The following TCF12 variants were observed in gnomAD, a reference collection of about 807,000 sequenced individuals.
TCF12 encodes the protein DNA-binding protein HTF4.
In TCF12, 45 loss-of-function variants were observed where a neutral mutation model predicts 86.0. The ratio of observed to expected loss-of-function variants is 0.52; its 90% CI spans 0.41 to 0.67. The LOEUF is 0.67. Ranked by LOEUF, TCF12 falls within the 30% of genes least tolerant of loss-of-function variation. TCF12 has a pLI of 0.00. For missense variants in TCF12, 881 were observed against 859.9 expected, an observed-to-expected ratio of 1.02 and a Z score of -0.31; for synonymous variants, 330 against 299.6, an observed-to-expected ratio of 1.10 and a Z score of -1.05.
chr15:57,273,866 C>CA (rs2061259242), intron 19 of TCF12, among the ~76,000 whole-genome samples: 1 of 152,136 alleles, frequency 6.6e-6, no homozygotes, highest in African/African-American at 2.4e-5. Context: ...AGTGCTGACT[C>CA]AGTTTCATTT....
intron 5 of TCF12, among the ~76,000 whole-genome samples, chr15:57,150,871 G>GT (rs1555519784): frequency 4.1e-5 from 2 of 48,832 alleles, no homozygotes; most frequent in Non-Finnish European, 7.5e-5. Flanking sequence ...CTCCCCCTCT[G>GT]TCCCTTCCTT....
intron 8 of TCF12, among the ~76,000 whole-genome samples, chr15:57,205,600 A>C (rs2057772079): frequency 6.6e-6 from 1 of 150,966 alleles, no homozygotes; most frequent in African/African-American, 2.5e-5. Flanking sequence ...TCAGTCTCTG[A>C]CCTTACAGGT....
At chr15:57,225,521 A>C (rs963120344) in intron 8 of TCF12, among the ~76,000 whole-genome samples, 6 of 152,226 alleles carry the variant, frequency 3.9e-5, no homozygotes, top group African/African-American at 1.4e-4. Context: ...CTGGGATTAC[A>C]GGCGTGAGCC....
intron 8 of TCF12, among the ~76,000 whole-genome samples, chr15:57,202,014 G>A (rs2057565492): frequency 6.6e-6 from 1 of 152,156 alleles, no homozygotes; most frequent in Admixed American, 6.5e-5. Context: ...CAGTGTCACT[G>A]TGTTGTTAGT....
chr15:57,035,504 T>C (rs2066454045), intron 3 of TCF12, among the ~76,000 whole-genome samples: 1 of 152,134 alleles, frequency 6.6e-6, no homozygotes, highest in African/African-American at 2.4e-5. Flanking sequence ...AGGCCTCAAG[T>C]GATCCTCCCA....
At chr15:57,123,611 A>G (rs1808362553) in intron 5 of TCF12, among the ~76,000 whole-genome samples, 1 of 151,752 alleles carries the variant, frequency 6.6e-6, no homozygotes, top group Middle Eastern at 3.4e-3. Flanking sequence ...CCTCCTGAGT[A>G]GATGGGACTA....
chr15:56,937,313 G>T (rs915742165), intron 3 of TCF12, among the ~76,000 whole-genome samples: 1 of 151,414 alleles, frequency 6.6e-6, no homozygotes, highest in Non-Finnish European at 1.5e-5. Context: ...ATTTGTATAC[G>T]TTAATTTGTA....
intron 3 of TCF12, among the ~76,000 whole-genome samples, chr15:57,016,064 A>C (rs1252675597): frequency 6.6e-6 from 1 of 152,156 alleles, no homozygotes; most frequent in Non-Finnish European, 1.5e-5. Context: ...AATTTCCTGG[A>C]GGGGCTGACT....
At chr15:57,029,084 C>G (rs2065991363) in intron 3 of TCF12, among the ~76,000 whole-genome samples, 1 of 152,168 alleles carries the variant, frequency 6.6e-6, no homozygotes, top group African/African-American at 2.4e-5. Flanking sequence ...CAGGCATGAA[C>G]CACCCCACCT....
chr15:56,941,866 C>T (rs1440511196), intron 3 of TCF12, among the ~76,000 whole-genome samples: 1 of 152,076 alleles, frequency 6.6e-6, no homozygotes, highest in African/African-American at 2.4e-5. Context: ...ATTCTCATCT[C>T]AGTAATCTTC....
At chr15:57,268,657 A>C (rs935742611) in intron 18 of TCF12, among the ~76,000 whole-genome samples, 4 of 152,208 alleles carry the variant, frequency 2.6e-5, no homozygotes, top group Admixed American at 2.6e-4. Flanking sequence ...TGTGGTCAGT[A>C]ATTTATATCT....
chr15:57,097,543 A>AT (rs1450776155), intron 5 of TCF12, among the ~76,000 whole-genome samples: 3 of 152,070 alleles, frequency 2.0e-5, no homozygotes, highest in Non-Finnish European at 4.4e-5. Context: ...ATAATAAAAA[A>AT]TAAAAAAAGA....
chr15:56,920,973 A>C, intron 2 of TCF12, 53 bp from the exon 3 acceptor site: 1 of 1,434,776 alleles, frequency 7.0e-7, no homozygotes, highest in Non-Finnish European at 9.4e-7. Flanking sequence ...TTTTGTTTGC[A>C]AGGAATCTAG....
At chr15:57,220,059 A>G (rs919019327) in intron 8 of TCF12, among the ~76,000 whole-genome samples, 1 of 152,192 alleles carries the variant, frequency 6.6e-6, no homozygotes, top group Admixed American at 6.5e-5. Flanking sequence ...TAGTGTCAGT[A>G]AAGTCCTGTC....
At chr15:57,208,720 T>C (rs2057974259) in intron 8 of TCF12, among the ~76,000 whole-genome samples, 1 of 151,114 alleles carries the variant, frequency 6.6e-6, no homozygotes, top group South Asian at 2.1e-4. Flanking sequence ...TTTTTTTTTT[T>C]CTTTTGAAAC....
At chr15:57,250,344 A>G (rs1267709357) in intron 13 of TCF12, among the ~76,000 whole-genome samples, 1 of 152,126 alleles carries the variant, frequency 6.6e-6, no homozygotes, top group Non-Finnish European at 1.5e-5. Flanking sequence ...GGGGAAAAAA[A>G]CTCAAGAGTA....
chr15:57,104,259 C>G (rs773796594), intron 5 of TCF12, among the ~76,000 whole-genome samples: 5 of 151,810 alleles, frequency 3.3e-5, no homozygotes, highest in African/African-American at 2.4e-5. Flanking sequence ...ATAAGACTAT[C>G]TCATAACATA....
intron 5 of TCF12, among the ~76,000 whole-genome samples, chr15:57,160,638 T>C (rs1402342076): frequency 6.6e-6 from 1 of 152,146 alleles, no homozygotes; most frequent in African/African-American, 2.4e-5. Flanking sequence ...CTATAAGCTT[T>C]TTCATTGTTT....
chr15:57,232,225 A>G, intron 9 of TCF12, 66 bp from the exon 10 acceptor site: 1 of 1,580,994 alleles, frequency 6.3e-7, no homozygotes, highest in Non-Finnish European at 8.7e-7. Context: ...GAATTTTTAT[A>G]AGCAACATCA....
Sources: allele counts gnomAD v4.1 joint callset (sites outside exome capture counted in the v4.1 genomes callset), GRCh38; gene constraint gnomAD v4.1.1; transcripts MANE v1.5; gene names NCBI Gene and HGNC (gene_info 2026-07-23, HGNC 2026-07-21).